IQCB1: variants seen among roughly 807,000 people sequenced by gnomAD.
The protein encoded by IQCB1 is IQ motif containing B1, also known as IQ calmodulin-binding motif-containing protein 1.
In IQCB1, 56 loss-of-function variants were observed where a neutral mutation model predicts 84.4. The ratio of observed to expected loss-of-function variants is 0.66; its 90% CI spans 0.54 to 0.83. IQCB1 has a LOEUF of 0.83. Ranked by LOEUF, IQCB1 falls within the 40% of genes least tolerant of loss-of-function variation. The probability of loss-of-function intolerance (pLI) is 0.00; values close to 1 mark genes in which losing one functional copy is unlikely to be tolerated. For missense variants in IQCB1, 629 were observed against 682.1 expected (o/e 0.92, Z 0.87); for synonymous variants, 210 against 234.8 (o/e 0.89, Z 0.96).
intron 5 of IQCB1, among the ~76,000 whole-genome samples, chr3:121,819,770 T>C (rs1003191474): frequency 1.3e-5 from 2 of 152,132 alleles, no homozygotes; most frequent in Non-Finnish European, 2.9e-5. Flanking sequence ...AATAGAAATA[T>C]AATGTGAGCC....
intron 5 of IQCB1, among the ~76,000 whole-genome samples, chr3:121,814,762 T>C (rs1321065103): frequency 6.6e-6 from 1 of 152,168 alleles, no homozygotes; most frequent in Admixed American, 6.5e-5. Context: ...ATTGAGGCAG[T>C]AATTAATGGC....
chr3:121,774,569 G>A (rs140933576), intron 13 of IQCB1, among the ~76,000 whole-genome samples: 16 of 152,220 alleles, frequency 1.1e-4, no homozygotes, highest in African/African-American at 3.9e-4. Context: ...TATATATAAT[G>A]GAATATTATT....
At chr3:121,834,777 T>G (rs1194574303) in intron 1 of IQCB1, among the ~76,000 whole-genome samples, 189 bp downstream of exon 1, 3 of 152,232 alleles carry the variant, frequency 2.0e-5, no homozygotes, top group Middle Eastern at 3.2e-3. Flanking sequence ...GCCCTGTGCC[T>G]GGACACTGCA....
At chr3:121,826,220 T>C in intron 4 of IQCB1, 40 bp from the exon 5 acceptor site, 2 of 1,604,320 alleles carry the variant, frequency 1.2e-6, no homozygotes, top group Non-Finnish European at 1.7e-6. Flanking sequence ...TAGAAGTTTA[T>C]GTTGAATGCT....
chr3:121,791,957 G>T (rs764414975), intron 10 of IQCB1, among the ~76,000 whole-genome samples: 3 of 152,118 alleles, frequency 2.0e-5, no homozygotes, highest in Non-Finnish European at 2.9e-5. Flanking sequence ...TGGGTGTGAT[G>T]GTGTGCACTT....
chr3:121,776,555 T>A (rs1473890197), intron 13 of IQCB1, among the ~76,000 whole-genome samples: 1 of 152,194 alleles, frequency 6.6e-6, no homozygotes, highest in Admixed American at 6.5e-5. Context: ...TACTGTCGGT[T>A]ATTTTTTGAA....
chr3:121,785,251 A>G (rs13072767), intron 12 of IQCB1, among the ~76,000 whole-genome samples: 37,271 of 150,872 alleles, frequency 0.25, 4,934 homozygotes, highest in Non-Finnish European at 0.28. Context: ...ACTCCTTTAT[A>G]TTACTTTTTT....
intron 5 of IQCB1, among the ~76,000 whole-genome samples, chr3:121,811,562 T>A (rs1372740416): frequency 6.6e-6 from 1 of 152,156 alleles, no homozygotes; most frequent in Non-Finnish European, 1.5e-5. Flanking sequence ...TCGACCAACC[T>A]GGGACAACTG....
chr3:121,817,501 G>C (rs1950114510), intron 5 of IQCB1, among the ~76,000 whole-genome samples: 1 of 151,836 alleles, frequency 6.6e-6, no homozygotes, highest in South Asian at 2.1e-4. Flanking sequence ...CAGGTTGTCT[G>C]TACTATTATA....
chr3:121,824,662 C>T (rs568939439), intron 5 of IQCB1, among the ~76,000 whole-genome samples: 1 of 150,440 alleles, frequency 6.6e-6, no homozygotes, highest in South Asian at 2.1e-4. Flanking sequence ...TTTCATTCAT[C>T]CAGAAGATAT....
intron 10 of IQCB1, among the ~76,000 whole-genome samples, chr3:121,792,661 C>CA (rs56685889): frequency 0.023 from 1,749 of 76,094 alleles, 37 homozygotes; most frequent in Non-Finnish European, 0.029. Flanking sequence ...GACTCCGTCT[C>CA]AAAAAAAAAA....
At chr3:121,825,061 CTTTTTT>C (rs1553721684) in intron 5 of IQCB1, among the ~76,000 whole-genome samples, 1 of 83,776 alleles carries the variant, frequency 1.2e-5, no homozygotes. Flanking sequence ...TTTTTCTTTT[CTTTTTT>C]TTTTTTTTTT....
intron 6 of IQCB1, 136 bp from the exon 7 acceptor site, chr3:121,807,579 G>A (rs956351319): frequency 1.7e-6 from 1 of 575,532 alleles, no homozygotes; most frequent in Non-Finnish European, 3.2e-6. Flanking sequence ...CTACGATAAA[G>A]AAGACTTTAA....
chr3:121,810,379 T>C (rs1949779180), intron 5 of IQCB1, among the ~76,000 whole-genome samples: 2 of 152,184 alleles, frequency 1.3e-5, no homozygotes, highest in African/African-American at 4.8e-5. Flanking sequence ...ATGCCCCTGT[T>C]TTAATTTTGC....
rs1947934459 is a variant in IQCB1 at position 121,770,594 on chromosome 3, A to C, written c.1568-20T>G. The C allele has an allele frequency of 6.4e-7, 1 of 1,553,246 alleles. No individual in the cohort carries two copies. Among genetic ancestry groups the C allele is most frequent in the Non-Finnish European group, 8.8e-7 (1 of 1,138,236 alleles). ...GTGCCTCTGTAGTGGACAGAAAATAAACAGATGAGCAGAAGAGTCCTATGC... is the reference window on the plus strand; with the variant it reads ...GTGCCTCTGTAGTGGACAGAAAATACACAGATGAGCAGAAGAGTCCTATGC... On this transcript the variant is annotated intron_variant, in intron 14 of 14. Transcript: ENST00000310864.
chr3:121,804,683 C>T (rs777313074), intron 7 of IQCB1, among the ~76,000 whole-genome samples: 12 of 151,988 alleles, frequency 7.9e-5, no homozygotes, highest in Non-Finnish European at 1.5e-4. Flanking sequence ...TACGATGTGC[C>T]TCAATGTGGA....
At chr3:121,823,533 C>A (rs952641216) in intron 5 of IQCB1, among the ~76,000 whole-genome samples, 5 of 151,738 alleles carry the variant, frequency 3.3e-5, no homozygotes, top group Admixed American at 2.0e-4. Context: ...ACAAAAGATG[C>A]CAGAAGACAA....
Position 121,770,127 on chromosome 3 carries a change from C to T in IQCB1, c.*218G>A, listed in dbSNP as rs552311575. ...AAGTTTAGTTCTACAATAAAAGCCA[C>T]ACAAATCTGTGTGTGGCTAACGATG... On this transcript the variant is annotated 3_prime_UTR_variant, in exon 15 of 15. Coordinates refer to ENST00000310864, the MANE Select transcript of IQCB1 (RefSeq NM_001023570.4). 1.1e-3 allele frequency: 596 copies of T among 531,250 alleles called. 3 individuals are homozygous for T. Among genetic ancestry groups the T allele is most frequent in the Admixed American group, 3.1e-3 (98 of 31,764 alleles). The allele number at this position is 531,250 out of a possible 1,614,324, so 32.9% of individuals were successfully genotyped here.
intron 5 of IQCB1, among the ~76,000 whole-genome samples, chr3:121,812,739 T>C (rs904989739): frequency 6.6e-6 from 1 of 151,954 alleles, no homozygotes; most frequent in Non-Finnish European, 1.5e-5. Flanking sequence ...TGAAAAGAAA[T>C]GAACAAAGCC....
Sources: gnomAD v4.1 joint callset for allele counts (sites outside exome capture counted in the v4.1 genomes callset) on GRCh38, gnomAD v4.1.1 for gene constraint, MANE v1.5 for transcripts, NCBI Gene and HGNC (gene_info 2026-07-23, HGNC 2026-07-21) for gene names.